Variants in PXDNL observed in about 807,000 individuals in gnomAD.
PXDNL encodes the protein probable oxidoreductase PXDNL.
Under a neutral mutation model 150.8 loss-of-function variants are expected in PXDNL, and 145 were observed. The observed-to-expected ratio is 0.96, with a 90% CI of 0.84 to 1.10. The LOEUF is 1.10. Among genes scored for constraint, PXDNL ranks in the 50% least tolerant of loss-of-function variants. PXDNL has a pLI of 0.00. For synonymous variants in PXDNL, 757 were observed against 725.7 expected, an observed-to-expected ratio of 1.04 and a Z score of -0.69; for missense variants, 2,087 against 1,873.9, an observed-to-expected ratio of 1.11 and a Z score of -2.10.
intron 2 of PXDNL, among the ~76,000 whole-genome samples, chr8:51,621,918 T>C (rs1814264363): frequency 7.4e-6 from 1 of 135,276 alleles, no homozygotes; most frequent in Non-Finnish European, 1.6e-5. Context: ...CAGGCCAGCA[T>C]GGGTGACAGA....
At chr8:51,419,359 A>G (rs924410498) in intron 14 of PXDNL, among the ~76,000 whole-genome samples, 3 of 152,218 alleles carry the variant, frequency 2.0e-5, no homozygotes, top group African/African-American at 7.2e-5. Flanking sequence ...CAGACATGCT[A>G]TAAAGTGTTT....
intron 4 of PXDNL, among the ~76,000 whole-genome samples, chr8:51,534,218 G>C (rs1157142313): frequency 1.5e-5 from 2 of 131,806 alleles, no homozygotes; most frequent in Non-Finnish European, 3.1e-5. Flanking sequence ...CGGCCGCCCC[G>C]TCTGAGAAGT....
intron 12 of PXDNL, among the ~76,000 whole-genome samples, chr8:51,434,392 C>T (rs1238562888): frequency 6.6e-6 from 1 of 152,164 alleles, no homozygotes; most frequent in East Asian, 1.9e-4. Context: ...ATTTTTCTGG[C>T]CCTATGCCTT....
chr8:51,496,277 T>C (rs1169589392), intron 5 of PXDNL, among the ~76,000 whole-genome samples: 1 of 152,182 alleles, frequency 6.6e-6, no homozygotes, highest in Admixed American at 6.5e-5. Flanking sequence ...ATGAGATGTA[T>C]CTCAAAATAA....
intron 4 of PXDNL, 31 bp downstream of exon 4, chr8:51,556,809 G>A (rs753337034): frequency 5.1e-6 from 6 of 1,167,018 alleles, no homozygotes; most frequent in South Asian, 4.9e-5. Flanking sequence ...GTCACCATGA[G>A]TGATTTAATA....
At chr8:51,533,739 G>A (rs1174250463) in intron 4 of PXDNL, among the ~76,000 whole-genome samples, 2 of 150,766 alleles carry the variant, frequency 1.3e-5, no homozygotes, top group South Asian at 4.2e-4. Flanking sequence ...CGCCAGCCTC[G>A]GCCTCCCGAG....
At chr8:51,324,050 A>G (rs1212397725) in intron 21 of PXDNL, among the ~76,000 whole-genome samples, 1 of 152,198 alleles carries the variant, frequency 6.6e-6, no homozygotes, top group African/African-American at 2.4e-5. Context: ...AAAAGGATGT[A>G]ACTTTCCTTT....
chr8:51,709,347 C>T (rs553010617), intron 1 of PXDNL, among the ~76,000 whole-genome samples: 3 of 152,068 alleles, frequency 2.0e-5, no homozygotes, highest in South Asian at 2.1e-4. Flanking sequence ...CTCCGCCTCC[C>T]GGGTTCACGC....
intron 1 of PXDNL, among the ~76,000 whole-genome samples, chr8:51,798,822 C>T (rs2037589026): frequency 6.6e-6 from 1 of 151,904 alleles, no homozygotes; most frequent in South Asian, 2.1e-4. Flanking sequence ...CCCAGCAATC[C>T]CATTACTGGG....
chr8:51,397,178 T>G (rs747104080), intron 17 of PXDNL, among the ~76,000 whole-genome samples: 2 of 152,258 alleles, frequency 1.3e-5, no homozygotes, highest in East Asian at 3.8e-4. Flanking sequence ...CTTGTACTTA[T>G]GAAATAAAAT....
chr8:51,384,773 C>A (rs1807650161), intron 17 of PXDNL, among the ~76,000 whole-genome samples: 1 of 151,936 alleles, frequency 6.6e-6, no homozygotes, highest in Admixed American at 6.6e-5. Flanking sequence ...ATAATCTAAG[C>A]TATTTATATA....
intron 2 of PXDNL, among the ~76,000 whole-genome samples, chr8:51,620,484 A>C (rs1392204170): frequency 6.6e-6 from 1 of 152,116 alleles, no homozygotes; most frequent in Non-Finnish European, 1.5e-5. Flanking sequence ...TATAAAAGCC[A>C]ATTTCATTGT....
At chr8:51,743,528 C>A (rs545853147) in intron 1 of PXDNL, among the ~76,000 whole-genome samples, 2 of 152,042 alleles carry the variant, frequency 1.3e-5, no homozygotes, top group African/African-American at 4.8e-5. Flanking sequence ...ATTAGAGGTG[C>A]CTGCCACCAC....
chr8:51,729,434 TA>T (rs149564458), intron 1 of PXDNL, among the ~76,000 whole-genome samples: 3,731 of 152,116 alleles, frequency 0.025, 151 homozygotes, highest in African/African-American at 0.085. Context: ...AGTTACAAAT[TA>T]AAACAATGAG....
At chr8:51,370,685 C>T (rs551688229) in intron 19 of PXDNL, among the ~76,000 whole-genome samples, 1 of 152,340 alleles carries the variant, frequency 6.6e-6, no homozygotes, top group East Asian at 1.9e-4. Context: ...CAACCTCCGC[C>T]TCCAGGGTTC....
intron 19 of PXDNL, among the ~76,000 whole-genome samples, chr8:51,356,246 T>C (rs888297353): frequency 2.0e-5 from 3 of 152,184 alleles, no homozygotes; most frequent in African/African-American, 7.2e-5. Flanking sequence ...CCCAGCACCT[T>C]GGGAGGCCGA....
At chr8:51,401,016 G>A (rs1468273157) in intron 17 of PXDNL, among the ~76,000 whole-genome samples, 3 of 152,188 alleles carry the variant, frequency 2.0e-5, no homozygotes, top group African/African-American at 7.2e-5. Context: ...TATCTAGAGA[G>A]CAGCTGCTTT....
At chr8:51,522,488 G>C (rs532393720) in intron 4 of PXDNL, among the ~76,000 whole-genome samples, 24 of 152,296 alleles carry the variant, frequency 1.6e-4, no homozygotes, top group Non-Finnish European at 2.9e-4. Context: ...CAAACTACCA[G>C]AGAAGTTCAT....
In PXDNL at chr8:51,339,629, C is replaced by G. The variant is rs1317896251; in HGVS notation, c.4141G>C (p.Glu1381Gln). The G allele has an allele frequency of 1.2e-6, 2 of 1,612,626 alleles. No individual in the cohort carries two copies. The highest frequency in any genetic ancestry group is 1.7e-5 in the Admixed American group (1 of 59,722). ...EIQETITALR[E>Q]QINKLEARLR... Reference sequence around the variant, plus strand: ...TATTTGAAGAGAAAACAAACCTGCTCTCTGAGTGCTGTGATGGTTTCCTGA... The same window carrying G: ...TATTTGAAGAGAAAACAAACCTGCTGTCTGAGTGCTGTGATGGTTTCCTGA... Residue 1381 changes from glutamate to glutamine, a missense_variant, in exon 21 of 23, where the codon GAG (glutamate) becomes CAG (glutamine). Transcript: ENST00000356297.
Sources: gnomAD v4.1 joint callset for allele counts (sites outside exome capture counted in the v4.1 genomes callset) on GRCh38, gnomAD v4.1.1 for gene constraint, MANE v1.5 for transcripts, NCBI Gene and HGNC (gene_info 2026-07-23, HGNC 2026-07-21) for gene names.